SLC35F1: variants seen among roughly 807,000 people sequenced by gnomAD.
SLC35F1 encodes the protein chromosome 6 open reading frame 169.
A neutral mutation model predicts 48.7 loss-of-function variants in SLC35F1; 14 were observed. The ratio of observed to expected loss-of-function variants is 0.29; its 90% CI spans 0.19 to 0.45. The LOEUF (loss-of-function observed/expected upper bound fraction) is 0.45. SLC35F1 is among the 20% of genes least tolerant of loss of function. The pLI, the probability that SLC35F1 is intolerant of heterozygous loss-of-function variation, is 1.00. For missense variants in SLC35F1, 404 were observed against 500.0 expected, an observed-to-expected ratio of 0.81 and a Z score of 1.83; for synonymous variants, 190 against 202.2, an observed-to-expected ratio of 0.94 and a Z score of 0.51.
chr6:117,937,944 C>T (rs1002217070), intron 1 of SLC35F1, among the ~76,000 whole-genome samples: 1 of 152,134 alleles, frequency 6.6e-6, no homozygotes, highest in Non-Finnish European at 1.5e-5. Context: ...TGTGTACCTC[C>T]TTCCCCTTAT....
chr6:118,263,481 A>G (rs1044247779), intron 3 of SLC35F1, among the ~76,000 whole-genome samples: 1 of 152,226 alleles, frequency 6.6e-6, no homozygotes, highest in African/African-American at 2.4e-5. Context: ...ATGTAAATCT[A>G]AGAGTAATAA....
chr6:117,975,761 G>T (rs1481361557), intron 1 of SLC35F1, among the ~76,000 whole-genome samples: 1 of 152,082 alleles, frequency 6.6e-6, no homozygotes, highest in Non-Finnish European at 1.5e-5. Context: ...ATTTTATTTT[G>T]TTCCTGCGCT....
At chr6:118,230,616 T>G (rs1298835988) in intron 2 of SLC35F1, among the ~76,000 whole-genome samples, 1 of 152,046 alleles carries the variant, frequency 6.6e-6, no homozygotes, top group Non-Finnish European at 1.5e-5. Flanking sequence ...TGAAAGAAAG[T>G]CATATACTAT....
chr6:118,173,570 C>T (rs978445780), intron 2 of SLC35F1, among the ~76,000 whole-genome samples: 1 of 152,098 alleles, frequency 6.6e-6, no homozygotes, highest in Non-Finnish European at 1.5e-5. Flanking sequence ...ACACACTATA[C>T]GGTAATGCAG....
At chr6:118,197,036 A>T (rs1341375592) in intron 2 of SLC35F1, among the ~76,000 whole-genome samples, 1 of 151,826 alleles carries the variant, frequency 6.6e-6, no homozygotes, top group South Asian at 2.1e-4. Flanking sequence ...AAAAAAAAAA[A>T]GTACTTCTGT....
At chr6:117,981,947 T>C (rs1439432101) in intron 1 of SLC35F1, among the ~76,000 whole-genome samples, 1 of 152,156 alleles carries the variant, frequency 6.6e-6, no homozygotes, top group Non-Finnish European at 1.5e-5. Context: ...CTCTGCTGCC[T>C]GATGGATGTT....
At chr6:118,291,721 G>A (rs1776125664) in intron 7 of SLC35F1, among the ~76,000 whole-genome samples, 1 of 152,180 alleles carries the variant, frequency 6.6e-6, no homozygotes, top group Non-Finnish European at 1.5e-5. Context: ...TTGCTCTAAA[G>A]GGATAGTTGG....
chr6:118,219,222 TA>T (rs1292323006), intron 2 of SLC35F1, among the ~76,000 whole-genome samples: 1 of 152,216 alleles, frequency 6.6e-6, no homozygotes, highest in African/African-American at 2.4e-5. Flanking sequence ...CCTTAAGTTC[TA>T]TGGAATAGAT....
intron 2 of SLC35F1, among the ~76,000 whole-genome samples, chr6:118,176,873 C>T (rs1774496910): frequency 1.4e-5 from 2 of 145,276 alleles, no homozygotes; most frequent in Admixed American, 6.6e-5. Context: ...TAAATTTGTG[C>T]TTGTTTTTTT....
At chr6:118,285,975 G>A (rs1447274548) in intron 7 of SLC35F1, among the ~76,000 whole-genome samples, 1 of 152,096 alleles carries the variant, frequency 6.6e-6, no homozygotes, top group East Asian at 1.9e-4. Context: ...TTTGCCCTAG[G>A]GAGGCATGAC....
chr6:118,087,706 C>G (rs1159731572), intron 1 of SLC35F1, among the ~76,000 whole-genome samples: 2 of 152,170 alleles, frequency 1.3e-5, no homozygotes, highest in African/African-American at 4.8e-5. Flanking sequence ...CAAAATCCTA[C>G]TCATCCAAAA....
intron 7 of SLC35F1, among the ~76,000 whole-genome samples, chr6:118,296,115 G>T (rs931041740): frequency 6.6e-6 from 1 of 152,142 alleles, no homozygotes; most frequent in Non-Finnish European, 1.5e-5. Flanking sequence ...TAACCTGTGA[G>T]CCACCCCCTA....
Position 117,907,460 on chromosome 6 carries a change from A to G in SLC35F1, c.-267A>G. On this transcript the variant is annotated 5_prime_UTR_variant, in exon 1 of 8. Coordinates refer to ENST00000360388, the MANE Select transcript of SLC35F1 (RefSeq NM_001029858.4). The stretch of plus-strand genomic sequence containing the variant: ...TCGCGGGGCGGGCCAGGACTTGGGG[A>G]CGCGGCTCGGGAAGAGCCGGGGCGG... The G allele has an allele frequency of 4.1e-6, 1 of 242,726 alleles. No individual in the cohort carries two copies. The highest frequency in any genetic ancestry group is 7.8e-6 in the Non-Finnish European group (1 of 129,014). The allele number at this position is 242,726 out of a possible 1,614,324, so 15.0% of individuals were successfully genotyped here. A position where few individuals can be genotyped will look rare whatever the true frequency, so the allele number is the denominator to read the frequency against.
intron 1 of SLC35F1, among the ~76,000 whole-genome samples, chr6:118,137,657 C>T (rs1156592243): frequency 6.6e-6 from 1 of 152,166 alleles, no homozygotes; most frequent in African/African-American, 2.4e-5. Context: ...TGGTTTTATG[C>T]CAGCCAACCT....
At chr6:118,232,266 T>C (rs1045028770) in intron 2 of SLC35F1, among the ~76,000 whole-genome samples, 3 of 152,058 alleles carry the variant, frequency 2.0e-5, no homozygotes, top group Non-Finnish European at 4.4e-5. Context: ...AAATAAAGGG[T>C]GTTGACTGGG....
chr6:118,070,934 A>G (rs1772697147), intron 1 of SLC35F1, among the ~76,000 whole-genome samples: 1 of 144,650 alleles, frequency 6.9e-6, no homozygotes, highest in Admixed American at 7.1e-5. Flanking sequence ...TATATATACT[A>G]TATATACATA....
chr6:117,964,183 C>T (rs530964890), intron 1 of SLC35F1, among the ~76,000 whole-genome samples: 25 of 152,314 alleles, frequency 1.6e-4, no homozygotes, highest in Middle Eastern at 3.4e-3. Context: ...CATAGTATTC[C>T]ATAGTGTATA....
chr6:118,261,202 C>T lies in SLC35F1; in HGVS notation c.478-5793C>T, dbSNP rs535561378. Among the ~76,000 whole-genome samples, 3 of 152,302 alleles carry T rather than the reference C, an allele frequency of 2.0e-5. No homozygotes were observed. In the South Asian group the frequency reaches 6.2e-4, roughly 32 times the overall value. On this transcript the variant is annotated intron_variant, in intron 3 of 7. Transcript: ENST00000360388. ...CTTATAACCACACGAAGCCCAACAG[C>T]CTCACCTGTGGTGTGATACCTTAGT...
chr6:118,093,446 G>A (rs1447652759), intron 1 of SLC35F1, among the ~76,000 whole-genome samples: 1 of 152,166 alleles, frequency 6.6e-6, no homozygotes, highest in Non-Finnish European at 1.5e-5. Context: ...TCTTGGGAGG[G>A]ACCTATGGGA....
Sources: gnomAD v4.1 joint callset for allele counts (sites outside exome capture counted in the v4.1 genomes callset) on GRCh38, gnomAD v4.1.1 for gene constraint, MANE v1.5 for transcripts, NCBI Gene and HGNC (gene_info 2026-07-23, HGNC 2026-07-21) for gene names.